SYCP2: variants seen among roughly 807,000 people sequenced by gnomAD.
SYCP2 encodes synaptonemal complex protein 2.
SYCP2 carries 55 observed loss-of-function variants against 211.3 expected under a neutral mutation model. The observed-to-expected ratio is 0.26, with a 90% CI of 0.21 to 0.33. The LOEUF is 0.33. Among genes scored for constraint, SYCP2 ranks in the 10% least tolerant of loss-of-function variants. The pLI is 1.00. For missense variants in SYCP2, 1,731 were observed against 1,752.0 expected, an observed-to-expected ratio of 0.99 and a Z score of 0.21; for synonymous variants, 570 against 555.2, an observed-to-expected ratio of 1.03 and a Z score of -0.37.
chr20:59,914,256 T>TA lies in SYCP2; in HGVS notation c.635-6dup, dbSNP rs749259201. On this transcript the variant is annotated splice_polypyrimidine_tract_variant and splice_region_variant and intron_variant, in intron 10 of 44. Coordinates refer to ENST00000357552, the MANE Select transcript of SYCP2 (RefSeq NM_014258.4). The stretch of plus-strand genomic sequence containing the variant: ...TGCCTACCTGTAAGTCATAATCTAT[T>TA]AAAAAAATAGTTAATGTTTGATTTA... The TA allele has an allele frequency of 4.6e-5, 69 of 1,509,308 alleles. No individual in the cohort carries two copies. In the East Asian group the frequency reaches 1.4e-3, roughly 30 times the overall value. 93.5% of individuals were successfully genotyped at this position (1,509,308 alleles called of 1,614,324 possible).
intron 2 of SYCP2, among the ~76,000 whole-genome samples, chr20:59,923,296 T>A (rs1706861839): frequency 1.3e-5 from 2 of 151,908 alleles, no homozygotes. Context: ...AAAATGCAAA[T>A]CATTGCTGTA....
Position 59,900,737 on chromosome 20 carries a change from G to A in SYCP2, c.1257+7C>T. On this transcript the variant is annotated splice_region_variant and intron_variant, in intron 17 of 44. Transcript: ENST00000357552. ...AGTGATAAAAATCAAGTAAGTCTGAGACATACCTGTGATCCACTTGCGTCA... is the reference window on the plus strand; with the variant it reads ...AGTGATAAAAATCAAGTAAGTCTGAAACATACCTGTGATCCACTTGCGTCA... 9 of 1,611,020 alleles carry A rather than the reference G, an allele frequency of 5.6e-6. No homozygotes were observed. Among genetic ancestry groups the A allele is most frequent in the Non-Finnish European group, 7.6e-6 (9 of 1,177,764 alleles).
At chr20:59,867,652 G>T (rs748825300) in intron 39 of SYCP2, 59 bp downstream of exon 39, 5 of 1,461,218 alleles carry the variant, frequency 3.4e-6, no homozygotes, top group Non-Finnish European at 4.7e-6. Context: ...TGGTCTAGTA[G>T]AAAGTGTGGC....
intron 10 of SYCP2, among the ~76,000 whole-genome samples, chr20:59,914,618 C>G (rs1412007740): frequency 1.1e-4 from 16 of 151,954 alleles, no homozygotes; most frequent in Non-Finnish European, 1.9e-4. Context: ...ACAGTTATCC[C>G]AGAGTACTTT....
intron 2 of SYCP2, among the ~76,000 whole-genome samples, chr20:59,926,564 ATAACT>A (rs2060637978): frequency 1.3e-5 from 2 of 152,262 alleles, no homozygotes; most frequent in South Asian, 4.1e-4. Flanking sequence ...TAATAAGTTA[ATAACT>A]TAACTTGGTT....
chr20:59,895,620 C>A (rs767724876), intron 19 of SYCP2, 23 bp from the exon 20 acceptor site: 1 of 1,604,926 alleles, frequency 6.2e-7, no homozygotes, highest in Non-Finnish European at 8.5e-7. Flanking sequence ...ACAAGGATTG[C>A]AGATTTTTCT....
At chr20:59,867,032 AAAAG>A (rs1407199325) in intron 39 of SYCP2, among the ~76,000 whole-genome samples, 6 of 143,794 alleles carry the variant, frequency 4.2e-5, no homozygotes, top group Non-Finnish European at 6.1e-5. Context: ...AAAAAAAAAA[AAAAG>A]AAACAGAAAA....
chr20:59,868,679 T>C (rs188933584), intron 37 of SYCP2, 111 bp from the exon 38 acceptor site: 2 of 1,328,682 alleles, frequency 1.5e-6, no homozygotes, highest in East Asian at 2.5e-5. Context: ...ATTTTTATTA[T>C]GTTTTAGGTA....
chr20:59,911,556 AC>A (rs1353975402), intron 14 of SYCP2, among the ~76,000 whole-genome samples, 193 bp downstream of exon 14: 1 of 151,988 alleles, frequency 6.6e-6, no homozygotes, highest in Non-Finnish European at 1.5e-5. Flanking sequence ...TTTTTCTTAT[AC>A]AATAAAACAT....
In SYCP2 at chr20:59,875,385, G is replaced by C; in HGVS notation, c.3235C>G (p.Leu1079Val). Residue 1079 changes from leucine to valine, a missense_variant, in exon 34 of 45, where the codon CTA becomes GTA. Physicochemically the swap from Leu to Val is conservative, Grantham distance 32. Around this residue, in one of 3 missense-constraint regions of SYCP2, gnomAD observed 1,387 missense variants for 1,351.3 expected, o/e 1.03. Transcript: ENST00000357552. ...KVFCAETEKE[L>V]SKQWKNSSLL... ...GATGAGTTTTTCCATTGTTTTGATA[G>C]TTCCTTTTCTGTTTCAGCACAGAAG... The C allele has an allele frequency of 6.2e-7, 1 of 1,612,718 alleles. No homozygotes were observed. The highest frequency in any genetic ancestry group is 8.5e-7 in the Non-Finnish European group (1 of 1,179,352).
At chr20:59,912,974 C>T (rs2060360774) in intron 12 of SYCP2, among the ~76,000 whole-genome samples, 1 of 152,172 alleles carries the variant, frequency 6.6e-6, no homozygotes, top group South Asian at 2.1e-4. Context: ...AACTTTAAGT[C>T]CAATTAAATC....
At chr20:59,929,348 T>C (rs1463011034) in intron 2 of SYCP2, among the ~76,000 whole-genome samples, 5 of 152,186 alleles carry the variant, frequency 3.3e-5, no homozygotes, top group East Asian at 3.8e-4. Context: ...TTTGATAGCA[T>C]TGGGTAAAAA....
In SYCP2 at chr20:59,911,426, C is replaced by G. The variant is rs561110193; in HGVS notation, c.972+324G>C. Among the ~76,000 whole-genome samples, 7 of 152,316 alleles carry G rather than the reference C, an allele frequency of 4.6e-5. No individual in the cohort carries two copies. The South Asian group carries it at 1.4e-3, about 32-fold the overall frequency. ...ATAGAATGCCACTGTATTTGAGTAA[C>G]TTCCCTTTTCTAAAGTCAATTCACT... On this transcript the variant is annotated intron_variant, in intron 14 of 44. Coordinates refer to ENST00000357552, the MANE Select transcript of SYCP2 (RefSeq NM_014258.4).
At chr20:59,928,146 G>T (rs1195911327) in intron 2 of SYCP2, among the ~76,000 whole-genome samples, 1 of 152,138 alleles carries the variant, frequency 6.6e-6, no homozygotes, top group Non-Finnish European at 1.5e-5. Context: ...TTCCTACTCT[G>T]TCAGAACCCA....
In SYCP2 at chr20:59,882,133, C is replaced by T; in HGVS notation, c.2562G>A (p.Leu854=). ...EKVQKKSYRK[L]KTTFVNVTSE... Reference sequence around the variant, plus strand: ...AAGTAACATTAACAAAGGTAGTCTTCAGTTTTCTGTAGCTTTTTTTCTGAA... The same window carrying T: ...AAGTAACATTAACAAAGGTAGTCTTTAGTTTTCTGTAGCTTTTTTTCTGAA... The change falls in exon 27 of 45, where the codon CTG becomes CTA. Residue 854 remains leucine, a synonymous_variant. Coordinates refer to ENST00000357552, the MANE Select transcript of SYCP2 (RefSeq NM_014258.4). 6.2e-7 allele frequency: 1 copy of T among 1,612,908 alleles called. No homozygotes were observed. Among genetic ancestry groups the T allele is most frequent in the South Asian group, 1.1e-5 (1 of 90,926 alleles).
chr20:59,911,769 T>C lies in SYCP2; in HGVS notation c.953A>G (p.Tyr318Cys), dbSNP rs764325637. ...FNLGSQTLSF[Y>C]IAGDNDDHQW... Reference sequence around the variant, plus strand: ...ACTTACATCATTATCTCCAGCAATGTAGAATGAGAGAGTCTGACTCCCAAG... The same window carrying C: ...ACTTACATCATTATCTCCAGCAATGCAGAATGAGAGAGTCTGACTCCCAAG... The change falls in exon 14 of 45, where the codon TAC (tyrosine) becomes TGC (cysteine). Residue 318 changes from tyrosine to cysteine, a missense_variant. This residue lies in a region of SYCP2 where 335 missense variants were observed against 378.8 expected (regional missense o/e 0.88). Transcript: ENST00000357552. The C allele has an allele frequency of 8.2e-6, 13 of 1,576,234 alleles. No homozygotes were observed. The highest frequency in any genetic ancestry group is 3.5e-5 in the Admixed American group (2 of 57,844).
chr20:59,866,790 T>A (rs1327688464), intron 39 of SYCP2, among the ~76,000 whole-genome samples: 1 of 151,666 alleles, frequency 6.6e-6, no homozygotes, highest in Non-Finnish European at 1.5e-5. Context: ...CATCAGTAGG[T>A]CTTTGACTAA....
rs953195166 is a variant in SYCP2 at position 59,870,050 on chromosome 20, A to T, written c.3556-67T>A. Reference sequence around the variant, plus strand: ...AATTGTTCAAAGCCCCCCACTTCAAAAAGAGTTGAACATAAGAAACATTAA... The same window carrying T: ...AATTGTTCAAAGCCCCCCACTTCAATAAGAGTTGAACATAAGAAACATTAA... On this transcript the variant is annotated intron_variant, in intron 35 of 44. Coordinates refer to ENST00000357552, the MANE Select transcript of SYCP2 (RefSeq NM_014258.4). The T allele has an allele frequency of 2.9e-6, 3 of 1,047,582 alleles. No individual in the cohort carries two copies. The Admixed American group carries it at 8.7e-5, about 30-fold the overall frequency. The allele number at this position is 1,047,582 out of a possible 1,614,324, so 64.9% of individuals were successfully genotyped here.
In SYCP2 at chr20:59,866,288, C is replaced by CA; in HGVS notation, c.4320+4dup. 1 of 1,562,686 alleles carries CA rather than the reference C, an allele frequency of 6.4e-7. No homozygotes were observed. The highest frequency in any genetic ancestry group is 8.6e-7 in the Non-Finnish European group (1 of 1,156,388). ...CTTATTTAAAAAATTTTTAAAGTAACAAACCACAAATTCCTTTTCCAAATC... is the reference window on the plus strand; with the variant it reads ...CTTATTTAAAAAATTTTTAAAGTAACAAAACCACAAATTCCTTTTCCAAATC... On this transcript the variant is annotated splice_donor_region_variant and intron_variant, in intron 41 of 44. Transcript: ENST00000357552.
Sources: allele counts gnomAD v4.1 joint callset (sites outside exome capture counted in the v4.1 genomes callset), GRCh38; gene constraint gnomAD v4.1.1; regional missense constraint gnomAD v4.1.1; transcripts MANE v1.5; gene names NCBI Gene and HGNC (gene_info 2026-07-23, HGNC 2026-07-21).